LAMP3: variants seen among roughly 807,000 people sequenced by gnomAD.
The protein encoded by LAMP3 is lysosome-associated membrane glycoprotein 3.
A neutral mutation model predicts 34.8 loss-of-function variants in LAMP3; 26 were observed. That is an observed-to-expected ratio of 0.75 (90% CI 0.55 to 1.04). The LOEUF is 1.04. Among genes scored for constraint, LAMP3 ranks in the 50% least tolerant of loss-of-function variants. The pLI is 0.00. For synonymous variants in LAMP3, 180 were observed against 201.9 expected (o/e 0.89, Z 0.92); for missense variants, 495 against 524.0 (o/e 0.94, Z 0.54).
At chr3:183,149,879 TA>T (rs1214193479) in intron 3 of LAMP3, among the ~76,000 whole-genome samples, 3 of 151,846 alleles carry the variant, frequency 2.0e-5, no homozygotes, top group Non-Finnish European at 4.4e-5. Context: ...AAAAATAAAA[TA>T]AAAAATCAAA....
intron 1 of LAMP3, among the ~76,000 whole-genome samples, chr3:183,156,347 G>A (rs1192968360): frequency 2.2e-5 from 3 of 135,456 alleles, no homozygotes; most frequent in African/African-American, 5.6e-5. Context: ...GGCAATAAAA[G>A]CAAAACGCTG....
At chr3:183,147,730 T>A (rs1337221706) in intron 3 of LAMP3, among the ~76,000 whole-genome samples, 1 of 152,124 alleles carries the variant, frequency 6.6e-6, no homozygotes, top group Non-Finnish European at 1.5e-5. Context: ...TTGATGTCTT[T>A]TAGAAACGGA....
intron 4 of LAMP3, among the ~76,000 whole-genome samples, chr3:183,139,387 C>CAAAA (rs35474952): frequency 3.7e-5 from 3 of 81,236 alleles, no homozygotes. Context: ...GAGACTGTCT[C>CAAAA]AAAAAAAAAA....
intron 3 of LAMP3, among the ~76,000 whole-genome samples, chr3:183,143,863 T>G (rs557701484): frequency 6.6e-6 from 1 of 152,360 alleles, no homozygotes; most frequent in Non-Finnish European, 1.5e-5. Flanking sequence ...TTAGGCTCTG[T>G]GGTCCTTTGT....
At position 183,162,625 on chromosome 3, in the gene LAMP3, G is replaced by A. The variant is rs977282983; in HGVS notation, c.31C>T (p.Leu11Phe). MPRQLSAAAA[L>F]FASLAVILHD... ...CACTCACCGGCCAGGGACGCGAAGA[G>A]CGCGGCCGCCGCGCTGAGCTGCCGG... The change falls in exon 1 of 6, where the codon CTC (leucine) becomes TTC (phenylalanine). Residue 11 changes from leucine to phenylalanine, a missense_variant. Coordinates refer to ENST00000265598, the MANE Select transcript of LAMP3 (RefSeq NM_014398.4). 2 of 1,544,984 alleles carry A rather than the reference G, an allele frequency of 1.3e-6. No individual in the cohort carries two copies. Among genetic ancestry groups the A allele is most frequent in the Non-Finnish European group, 1.7e-6 (2 of 1,145,884 alleles).
In LAMP3 at chr3:183,124,163, A is replaced by G; in HGVS notation, c.1169T>C (p.Ile390Thr). The G allele has an allele frequency of 6.2e-7, 1 of 1,610,134 alleles. No homozygotes were observed. Among genetic ancestry groups the G allele is most frequent in the Non-Finnish European group, 8.5e-7 (1 of 1,178,830 alleles). The stretch of plus-strand genomic sequence containing the variant: ...ACCCATAAGGCAGAGACCAACCACG[A>G]TGGCCCCAATCACAGGAAGCACAAT... ...YTIVLPVIGA[I>T]VVGLCLMGMG... Residue 390 changes from isoleucine (I) to threonine (T), a missense_variant, in exon 6 of 6, where the codon ATC (isoleucine) becomes ACC (threonine). Physicochemically the swap from Ile to Thr is moderately conservative, Grantham distance 89. Transcript: ENST00000265598.
intron 1 of LAMP3, among the ~76,000 whole-genome samples, chr3:183,158,835 G>C (rs972186725): frequency 2.0e-5 from 3 of 151,952 alleles, no homozygotes; most frequent in Non-Finnish European, 4.4e-5. Flanking sequence ...GGGGCCCTGT[G>C]AGGCAGACAC....
chr3:183,148,553 T>C (rs1039719399), intron 3 of LAMP3, among the ~76,000 whole-genome samples: 60 of 152,188 alleles, frequency 3.9e-4, no homozygotes, highest in African/African-American at 1.4e-3. Context: ...CAGACATTTC[T>C]CAAAAGAAGA....
chr3:183,130,139 A>G (rs1719871622), intron 5 of LAMP3, among the ~76,000 whole-genome samples: 1 of 149,060 alleles, frequency 6.7e-6, no homozygotes, highest in Admixed American at 6.7e-5. Context: ...TTAGCAAACT[A>G]ATACACCCTC....
intron 1 of LAMP3, 62 bp downstream of exon 1, chr3:183,162,545 C>A: frequency 6.7e-7 from 1 of 1,489,798 alleles, no homozygotes; most frequent in Non-Finnish European, 9.1e-7. Context: ...CTCCAGAGTG[C>A]GTTTAGATGA....
chr3:183,162,940 A>C, upstream of LAMP3: 1 of 436,458 alleles, frequency 2.3e-6, no homozygotes, highest in Non-Finnish European at 4.0e-6. Context: ...CTCCGCTCAT[A>C]CCCTGGGTCT....
At chr3:183,161,695 T>A (rs1454833099) in intron 1 of LAMP3, among the ~76,000 whole-genome samples, 3 of 152,108 alleles carry the variant, frequency 2.0e-5, no homozygotes, top group Admixed American at 2.0e-4. Context: ...GGCCTGTCAA[T>A]ACCATTGTGT....
At chr3:183,152,849 G>C (rs1009805612) in intron 2 of LAMP3, among the ~76,000 whole-genome samples, 5 of 152,154 alleles carry the variant, frequency 3.3e-5, no homozygotes, top group Admixed American at 2.6e-4. Flanking sequence ...AGATGTGGAA[G>C]TTTTATTTGA....
chr3:183,154,677 A>G (rs1720775047), intron 1 of LAMP3, among the ~76,000 whole-genome samples: 1 of 152,194 alleles, frequency 6.6e-6, no homozygotes, highest in Admixed American at 6.5e-5. Context: ...TACACGCCAA[A>G]GTGATCATGC....
rs1055643716 is a variant in LAMP3 at position 183,162,008 on chromosome 3, A to T, written c.49+599T>A. On this transcript the variant is annotated intron_variant, in intron 1 of 5. Coordinates refer to ENST00000265598, the MANE Select transcript of LAMP3 (RefSeq NM_014398.4). ...CATGTTAGCCGGGCGGTAGGGACGG[A>T]GACAGTTCTCTCATGACGTTCGAGT... 5 of 984,912 alleles carry T rather than the reference A, an allele frequency of 5.1e-6. 1 individual carries two copies. The highest frequency in any genetic ancestry group is 6.2e-5 in the Admixed American group (1 of 16,250). The allele number at this position is 984,912 out of a possible 1,614,324, so 61.0% of individuals were successfully genotyped here. A position where few individuals can be genotyped will look rare whatever the true frequency, so the allele number is the denominator to read the frequency against.
chr3:183,146,522 ATT>A (rs1192142107), intron 3 of LAMP3, among the ~76,000 whole-genome samples: 3,825 of 129,952 alleles, frequency 0.029, 129 homozygotes, highest in African/African-American at 0.1. Context: ...TGGTGCTCAA[ATT>A]TTTTTTTTTT....
chr3:183,127,927 C>G (rs549961122), intron 5 of LAMP3, among the ~76,000 whole-genome samples: 1 of 151,800 alleles, frequency 6.6e-6, no homozygotes, highest in Non-Finnish European at 1.5e-5. Context: ...GTCAGGAGAT[C>G]GAGACCATTC....
intron 1 of LAMP3, among the ~76,000 whole-genome samples, chr3:183,159,161 G>A (rs1016325268): frequency 6.6e-6 from 1 of 152,204 alleles, no homozygotes; most frequent in Non-Finnish European, 1.5e-5. Flanking sequence ...CCAAAGTGCT[G>A]GGATTACAGG....
chr3:183,153,595 A>G (rs1258036477), intron 2 of LAMP3, 87 bp downstream of exon 2: 32 of 849,742 alleles, frequency 3.8e-5, no homozygotes, highest in Non-Finnish European at 5.1e-5. Context: ...TTAAAGACAC[A>G]GGATGTGGGG....
Sources: allele counts gnomAD v4.1 joint callset (sites outside exome capture counted in the v4.1 genomes callset), GRCh38; gene constraint gnomAD v4.1.1; transcripts MANE v1.5; gene names NCBI Gene and HGNC (gene_info 2026-07-23, HGNC 2026-07-21).